The following SMC4 variants were observed in gnomAD, a reference collection of about 807,000 sequenced individuals.
SMC4 encodes the protein structural maintenance of chromosomes protein 4.
A neutral mutation model predicts 145.6 loss-of-function variants in SMC4; 87 were observed. That is an observed-to-expected ratio of 0.60 (90% CI 0.50 to 0.71). The LOEUF (loss-of-function observed/expected upper bound fraction) is 0.71, where lower values mean the gene tolerates loss of function less well. Among genes scored for constraint, SMC4 ranks in the 30% least tolerant of loss-of-function variants. The pLI is 0.00. For missense variants in SMC4, 1,447 were observed against 1,537.1 expected (o/e 0.94, Z 0.98); for synonymous variants, 558 against 500.7 (o/e 1.11, Z -1.53).
chr3:160,427,475 G>A (rs1361668570), intron 17 of SMC4, among the ~76,000 whole-genome samples: 1 of 152,138 alleles, frequency 6.6e-6, no homozygotes, highest in Non-Finnish European at 1.5e-5. Context: ...TGGCTTTGAT[G>A]GTACCTGATG....
Position 160,420,919 on chromosome 3 carries a change from C to T in SMC4, c.2019+18C>T. 1 of 1,581,912 alleles carries T rather than the reference C, an allele frequency of 6.3e-7. No individual in the cohort carries two copies. Among genetic ancestry groups the T allele is most frequent in the Middle Eastern group, 1.7e-4 (1 of 5,746 alleles). ...TAGATAAGGTGGGTATTCGTAATAA[C>T]CTACCTATAATTGGAATTTTTTTTT... On this transcript the variant is annotated intron_variant, in intron 13 of 23. Coordinates refer to ENST00000357388, the MANE Select transcript of SMC4 (RefSeq NM_001002800.3).
intron 4 of SMC4, chr3:160,404,061 C>A: frequency 2.9e-6 from 1 of 349,694 alleles, no homozygotes; most frequent in Non-Finnish European, 5.1e-6. Context: ...CGTTTTTAGG[C>A]TTGTTTGGAG....
chr3:160,422,029 G>C (rs149107216), intron 13 of SMC4, among the ~76,000 whole-genome samples: 1 of 152,296 alleles, frequency 6.6e-6, no homozygotes, highest in African/African-American at 2.4e-5. Context: ...CTATGTTGTA[G>C]CATGTATCAG....
chr3:160,401,989 G>A lies in SMC4; in HGVS notation c.214G>A (p.Ala72Thr), dbSNP rs377720891. ...LNSIPPPPPP[A>T]MTNEAGAPRL... Reference sequence around the variant, plus strand: ...CAGCATTCCTCCTCCCCCGCCTCCAGCAATGACCAATGAAGCTGGAGCTCC... The same window carrying A: ...CAGCATTCCTCCTCCCCCGCCTCCAACAATGACCAATGAAGCTGGAGCTCC... The change falls in exon 3 of 24, where the codon GCA (alanine) becomes ACA (threonine). Residue 72 changes from alanine to threonine, a missense_variant. Ala to Thr is a moderately conservative substitution (Grantham distance 58). Coordinates refer to ENST00000357388, the MANE Select transcript of SMC4 (RefSeq NM_001002800.3). 3.5e-5 allele frequency: 56 copies of A among 1,605,172 alleles called. No individual in the cohort carries two copies. Among genetic ancestry groups the A allele is most frequent in the Non-Finnish European group, 4.6e-5 (54 of 1,176,436 alleles).
At position 160,416,333 on chromosome 3, in the gene SMC4, A is replaced by C; in HGVS notation, c.1355A>C (p.Glu452Ala). 6.2e-7 allele frequency: 1 copy of C among 1,607,076 alleles called. No homozygotes were observed. Among genetic ancestry groups the C allele is most frequent in the Non-Finnish European group, 8.5e-7 (1 of 1,176,216 alleles). Residue 452 changes from glutamate to alanine, a missense_variant, in exon 10 of 24, where the codon GAA becomes GCA. By Grantham distance (107) the Glu-to-Ala change is moderately radical. Transcript: ENST00000357388. ...ACCAGAAACAATGCCCTCGAGAAGG[A>C]AAAAGAGAAAGAAGAAAAAAAATTA... ...TTTRNNALEK[E>A]KEKEEKKLKE...
At chr3:160,423,303 C>A in intron 13 of SMC4, 122 bp from the exon 14 acceptor site, 1 of 736,582 alleles carries the variant, frequency 1.4e-6, no homozygotes, top group Non-Finnish European at 2.2e-6. Context: ...ATTTTAGAAC[C>A]TTTTGTGTAT....
Position 160,412,418 on chromosome 3 carries a change from A to C in SMC4, c.945A>C (p.Ile315=). 1 of 1,605,940 alleles carries C rather than the reference A, an allele frequency of 6.2e-7. No homozygotes were observed. Among genetic ancestry groups the C allele is most frequent in the Non-Finnish European group, 8.5e-7 (1 of 1,173,982 alleles). The change falls in exon 7 of 24, where the codon ATA becomes ATC. Residue 315 remains isoleucine, a synonymous_variant. Coordinates refer to ENST00000357388, the MANE Select transcript of SMC4 (RefSeq NM_001002800.3). ...AIEFLTLENE[I]FRKKNHVCQY... Reference sequence around the variant, plus strand: ...AATTTCTTACCTTGGAAAATGAAATATTTAGAAAAAAGAATCATGTTTGTC... The same window carrying C: ...AATTTCTTACCTTGGAAAATGAAATCTTTAGAAAAAAGAATCATGTTTGTC...
chr3:160,407,868 T>C (rs937617696), intron 5 of SMC4, among the ~76,000 whole-genome samples: 22 of 152,134 alleles, frequency 1.4e-4, no homozygotes, highest in African/African-American at 3.1e-4. Flanking sequence ...GAAATAGATA[T>C]CAAGAAGTCC....
chr3:160,414,482 A>C lies in SMC4; in HGVS notation c.1237A>C (p.Lys413Gln). ...AAAACATGCCACGAGTAAAGCCAAA[A>C]AACTGGAGAAACAACTTCAAAAAGA... ...KLKHATSKAKKLEKQLQKDKE... is the reference protein window; with the variant it reads ...KLKHATSKAKQLEKQLQKDKE... Residue 413 changes from lysine to glutamine, a missense_variant, in exon 9 of 24, where the codon AAA becomes CAA. By Grantham distance (53) the Lys-to-Gln change is moderately conservative. Coordinates refer to ENST00000357388, the MANE Select transcript of SMC4 (RefSeq NM_001002800.3). 6.2e-7 allele frequency: 1 copy of C among 1,611,372 alleles called. No homozygotes were observed. Among genetic ancestry groups the C allele is most frequent in the Non-Finnish European group, 8.5e-7 (1 of 1,179,358 alleles).
intron 9 of SMC4, 73 bp downstream of exon 9, chr3:160,414,590 C>T: frequency 1.5e-6 from 2 of 1,327,494 alleles, no homozygotes; most frequent in East Asian, 2.4e-5. Flanking sequence ...TGTGTTTGCC[C>T]CTTATTGCCT....
At chr3:160,414,619 T>A (rs1716397866) in intron 9 of SMC4, 102 bp downstream of exon 9, 1 of 1,125,206 alleles carries the variant, frequency 8.9e-7, no homozygotes, top group South Asian at 1.4e-5. Context: ...GAATTAGTAT[T>A]CTAAATGTTG....
At position 160,424,903 on chromosome 3, in the gene SMC4, A is replaced by C; in HGVS notation, c.2362A>C (p.Lys788Gln). ...KMESQLQNDS[K>Q]KAMQIQEQKV... Reference sequence around the variant, plus strand: ...GGAATCACAGTTGCAAAACGACTCTAAAAAAGCAATGCAAATCCAAGAACA... The same window carrying C: ...GGAATCACAGTTGCAAAACGACTCTCAAAAAGCAATGCAAATCCAAGAACA... The change falls in exon 16 of 24, where the codon AAA becomes CAA. Residue 788 changes from lysine (K) to glutamine (Q), a missense_variant. Transcript: ENST00000357388. 6.2e-7 allele frequency: 1 copy of C among 1,614,106 alleles called. No individual in the cohort carries two copies. The highest frequency in any genetic ancestry group is 8.5e-7 in the Non-Finnish European group (1 of 1,179,994).
At chr3:160,429,837 C>T (rs1718196392) in intron 18 of SMC4, among the ~76,000 whole-genome samples, 1 of 151,914 alleles carries the variant, frequency 6.6e-6, no homozygotes, top group Non-Finnish European at 1.5e-5. Flanking sequence ...CTGTCTCAGC[C>T]TCCCAAGTAG....
chr3:160,429,906 A>G (rs765533510), intron 18 of SMC4, among the ~76,000 whole-genome samples: 24 of 151,816 alleles, frequency 1.6e-4, no homozygotes, highest in Non-Finnish European at 3.2e-4. Context: ...TAGTAGAGAC[A>G]GGGTTTCACC....
intron 17 of SMC4, among the ~76,000 whole-genome samples, chr3:160,428,142 G>T (rs955675743): frequency 2.6e-5 from 4 of 152,184 alleles, no homozygotes; most frequent in African/African-American, 9.7e-5. Context: ...CCAGACTTCT[G>T]TGTGACTGCT....
Position 160,419,507 on chromosome 3 carries a change from A to G in SMC4, c.1821A>G (p.Lys607=). The change falls in exon 12 of 24, where the codon AAA becomes AAG. Residue 607 remains lysine (K), a synonymous_variant. Transcript: ENST00000357388. ...TCCTTGATGCAATAATTCAAGAAAAAAAATCTGGCAGGATTCCAGGAATAT... is the reference window on the plus strand; with the variant it reads ...TCCTTGATGCAATAATTCAAGAAAAGAAATCTGGCAGGATTCCAGGAATAT... ...GKVLDAIIQE[K]KSGRIPGIYG... is the part of the protein sequence containing the mutation. 6 of 1,605,146 alleles carry G rather than the reference A, an allele frequency of 3.7e-6. No individual in the cohort carries two copies. The highest frequency in any genetic ancestry group is 5.1e-6 in the Non-Finnish European group (6 of 1,177,974).
rs752706613 is a variant in SMC4, at chr3:160,417,882, ACT to A, written c.1601_1602del (p.Leu534GlnfsTer18). On this transcript the variant is annotated frameshift_variant, in exon 11 of 24. Transcript: ENST00000357388. LOFTEE classifies it high-confidence loss of function. Reference protein sequence around the residue: ...AKEALIAASETLKERKAAIRD... With the variant: ...AKEALIAASEXLKERKAAIRD... ...GGAAGCTCTAATTGCAGCTTCTGAG[ACT>A]CTCAAAGAAAGGAAAGCTGCAATCA... The A allele has an allele frequency of 6.2e-7, 1 of 1,613,500 alleles. No homozygotes were observed. Among genetic ancestry groups the A allele is most frequent in the East Asian group, 2.2e-5 (1 of 44,860 alleles).
rs75113798 is a variant in SMC4 at position 160,431,223 on chromosome 3, T to C, written c.3114+18T>C. 6.5e-7 allele frequency: 1 copy of C among 1,549,574 alleles called. No individual in the cohort carries two copies. Among genetic ancestry groups the C allele is most frequent in the Non-Finnish European group, 8.7e-7 (1 of 1,151,204 alleles). ...ACAAAGAGGTGAGATTGTTACCGTT[T>C]AGTTTAATTTTAAACATATTCTTTA... On this transcript the variant is annotated intron_variant, in intron 20 of 23. Coordinates refer to ENST00000357388, the MANE Select transcript of SMC4 (RefSeq NM_001002800.3).
In SMC4 at chr3:160,402,039, A is replaced by G; in HGVS notation, c.264A>G (p.Val88=). 5 of 1,589,930 alleles carry G rather than the reference A, an allele frequency of 3.1e-6. 1 individual carries two copies. The South Asian group carries it at 5.8e-5, about 18-fold the overall frequency. ...CTCGGCTTATGATAACTCATATTGT[A>G]AACCAGAACTTCAAATCCTATGCTG... ...GAPRLMITHI[V]NQNFKSYAGE... is the part of the protein sequence containing the mutation. Residue 88 remains valine, a synonymous_variant, in exon 3 of 24, where the codon GTA becomes GTG. Coordinates refer to ENST00000357388, the MANE Select transcript of SMC4 (RefSeq NM_001002800.3).
Sources: gnomAD v4.1 joint callset for allele counts (sites outside exome capture counted in the v4.1 genomes callset) on GRCh38, gnomAD v4.1.1 for gene constraint, MANE v1.5 for transcripts, NCBI Gene and HGNC (gene_info 2026-07-23, HGNC 2026-07-21) for gene names.